The following RALGAPB variants were observed in gnomAD, a reference collection of about 807,000 sequenced individuals.
The protein encoded by RALGAPB is Ral GTPase activating protein non-catalytic subunit beta.
RALGAPB carries 25 observed loss-of-function variants against 161.1 expected under a neutral mutation model. The observed-to-expected ratio is 0.16, with a 90% CI of 0.11 to 0.22. The LOEUF is 0.22. Ranked by LOEUF, RALGAPB falls within the 10% of genes least tolerant of loss-of-function variation. The pLI, the probability that RALGAPB is intolerant of heterozygous loss-of-function variation, is 1.00. For synonymous variants in RALGAPB, 629 were observed against 626.1 expected (o/e 1.00, Z -0.07); for missense variants, 1,391 against 1,815.2 (o/e 0.77, Z 4.25).
intron 1 of RALGAPB, among the ~76,000 whole-genome samples, chr20:38,484,213 A>C (rs2085055269): frequency 6.6e-6 from 1 of 152,152 alleles, no homozygotes; most frequent in African/African-American, 2.4e-5. Flanking sequence ...CTGGCCACTG[A>C]CAATACTGGG....
intron 14 of RALGAPB, among the ~76,000 whole-genome samples, chr20:38,532,083 T>A (rs1400849748): frequency 6.6e-6 from 1 of 152,164 alleles, no homozygotes; most frequent in Non-Finnish European, 1.5e-5. Flanking sequence ...TGAGACAGAG[T>A]CTCGCTCTGA....
Position 38,557,224 on chromosome 20 carries a change from A to G in RALGAPB, c.3373-1071A>G, listed in dbSNP as rs572796270. Among the ~76,000 whole-genome samples, 4 of 152,314 alleles carry G rather than the reference A, an allele frequency of 2.6e-5. No homozygotes were observed. The East Asian group carries it at 5.8e-4, about 22-fold the overall frequency. On this transcript the variant is annotated intron_variant, in intron 22 of 29. Transcript: ENST00000262879. ...TGTAGACTTAATTTTTTTAGAGAAG[A>G]TTTAGGTTTTCAGAACAATTGAGCA...
At chr20:38,509,456 G>A (rs534863854) in intron 6 of RALGAPB, among the ~76,000 whole-genome samples, 3 of 152,264 alleles carry the variant, frequency 2.0e-5, no homozygotes, top group East Asian at 3.9e-4. Context: ...GGTAGATGCC[G>A]CACTTGTTCT....
intron 2 of RALGAPB, among the ~76,000 whole-genome samples, chr20:38,491,421 T>G (rs1166030501): frequency 6.6e-6 from 1 of 152,156 alleles, no homozygotes; most frequent in Non-Finnish European, 1.5e-5. Context: ...GGCATGTTAA[T>G]CTACTGTTAC....
chr20:38,474,490 G>C (rs890545134), intron 1 of RALGAPB, among the ~76,000 whole-genome samples: 5 of 151,982 alleles, frequency 3.3e-5, no homozygotes, highest in African/African-American at 1.2e-4. Context: ...TGTTGCCCAG[G>C]CTGGTCTCAA....
intron 13 of RALGAPB, among the ~76,000 whole-genome samples, chr20:38,529,988 C>T (rs1387443557): frequency 6.6e-6 from 1 of 152,198 alleles, no homozygotes; most frequent in Non-Finnish European, 1.5e-5. Context: ...TCAAGCAACT[C>T]AGCTTTTTCT....
chr20:38,539,555 C>A (rs2086905651), intron 16 of RALGAPB, among the ~76,000 whole-genome samples: 1 of 152,130 alleles, frequency 6.6e-6, no homozygotes, highest in African/African-American at 2.4e-5. Flanking sequence ...AAAAACTATG[C>A]TAATGAAATA....
chr20:38,519,027 T>C (rs2086214222), intron 9 of RALGAPB, among the ~76,000 whole-genome samples: 1 of 152,194 alleles, frequency 6.6e-6, no homozygotes, highest in Non-Finnish European at 1.5e-5. Context: ...TCTGTGAACA[T>C]TATACTCGTA....
intron 23 of RALGAPB, among the ~76,000 whole-genome samples, chr20:38,559,457 G>T (rs1452882091): frequency 6.6e-6 from 1 of 152,220 alleles, no homozygotes; most frequent in Non-Finnish European, 1.5e-5. Flanking sequence ...CACTTTGGGA[G>T]GCCGAGGCGG....
chr20:38,475,324 C>G (rs1394543735), intron 1 of RALGAPB, among the ~76,000 whole-genome samples: 2 of 152,212 alleles, frequency 1.3e-5, no homozygotes, highest in Non-Finnish European at 1.5e-5. Flanking sequence ...AGAGTAAAAT[C>G]ATGTTGTCAC....
chr20:38,550,585 T>C (rs2087342809), intron 20 of RALGAPB, among the ~76,000 whole-genome samples: 1 of 152,222 alleles, frequency 6.6e-6, no homozygotes, highest in Admixed American at 6.5e-5. Context: ...CATATACATA[T>C]TAAAGCATGG....
At chr20:38,529,082 G>C (rs1157491781) in intron 13 of RALGAPB, among the ~76,000 whole-genome samples, 1 of 152,114 alleles carries the variant, frequency 6.6e-6, no homozygotes, top group Non-Finnish European at 1.5e-5. Context: ...CCAATTCCCT[G>C]AGTAGTTGAG....
At chr20:38,574,704 T>C in intron 29 of RALGAPB, 70 bp from the exon 30 acceptor site, 1 of 1,439,904 alleles carries the variant, frequency 6.9e-7, no homozygotes, top group Non-Finnish European at 9.7e-7. Context: ...ATAGTTCACC[T>C]GAATACTTAC....
intron 26 of RALGAPB, 51 bp from the exon 27 acceptor site, chr20:38,569,837 T>A: frequency 6.9e-7 from 1 of 1,448,338 alleles, no homozygotes; most frequent in South Asian, 1.2e-5. Flanking sequence ...TTAAGCCAGT[T>A]TTTTGTTGCT....
intron 12 of RALGAPB, 32 bp downstream of exon 12, chr20:38,525,550 A>G (rs376018972): frequency 5.6e-5 from 82 of 1,453,318 alleles, no homozygotes; most frequent in African/African-American, 9.9e-5. Context: ...TTTATATCCT[A>G]TATTCTGTTT....
chr20:38,529,696 A>G (rs1167959181), intron 13 of RALGAPB, among the ~76,000 whole-genome samples: 1 of 151,232 alleles, frequency 6.6e-6, no homozygotes, highest in Non-Finnish European at 1.5e-5. Context: ...AAAAAAAATT[A>G]GCCAGGCGTG....
chr20:38,525,935 C>T lies in RALGAPB; in HGVS notation c.1943C>T (p.Ser648Phe). 6.2e-7 allele frequency: 1 copy of T among 1,613,778 alleles called. No individual in the cohort carries two copies. The highest frequency in any genetic ancestry group is 8.5e-7 in the Non-Finnish European group (1 of 1,179,790). ...EGKFSNDDSS[S>F]YDKPITFLSL... ...AAGTTTAGTAACGATGACAGCTCTT[C>T]TTATGATAAACCAATAACTTTTCTG... The change falls in exon 13 of 30, where the codon TCT becomes TTT. Residue 648 changes from serine to phenylalanine, a missense_variant. This residue lies in a region of RALGAPB where 946 missense variants were observed against 1,257.2 expected (regional missense o/e 0.75). Coordinates refer to ENST00000262879, the MANE Select transcript of RALGAPB (RefSeq NM_020336.4).
intron 6 of RALGAPB, among the ~76,000 whole-genome samples, chr20:38,515,877 G>T (rs188492798): frequency 3.9e-5 from 6 of 152,088 alleles, no homozygotes; most frequent in Admixed American, 3.9e-4. Context: ...GGGACCATAG[G>T]CACGTGCCAC....
At chr20:38,534,967 C>T in intron 15 of RALGAPB, 107 bp from the exon 16 acceptor site, 12 of 1,369,574 alleles carry the variant, frequency 8.8e-6, no homozygotes, top group Admixed American at 1.8e-5. Context: ...GCCCGTCGTT[C>T]TCACTGTGGC....
Sources: allele counts gnomAD v4.1 joint callset (sites outside exome capture counted in the v4.1 genomes callset), GRCh38; gene constraint gnomAD v4.1.1; regional missense constraint gnomAD v4.1.1; transcripts MANE v1.5; gene names NCBI Gene and HGNC (gene_info 2026-07-23, HGNC 2026-07-21).